The following FGF10 variants were observed in gnomAD, a reference collection of about 807,000 sequenced individuals.
The protein encoded by FGF10 is fibroblast growth factor 10, also known as FGF-10.
Under a neutral mutation model 19.8 loss-of-function variants are expected in FGF10, and 2 were observed. The observed-to-expected ratio is 0.10, with a 90% confidence interval of 0.04 to 0.32. The LOEUF (loss-of-function observed/expected upper bound fraction) is 0.32, where lower values mean the gene tolerates loss of function less well. Among genes scored for constraint, FGF10 ranks in the 10% least tolerant of loss-of-function variants. The probability of loss-of-function intolerance (pLI) is 1.00; values close to 1 mark genes in which losing one functional copy is unlikely to be tolerated. For missense variants in FGF10, 191 were observed against 246.3 expected (o/e 0.78, Z 1.50); for synonymous variants, 112 against 94.0 (o/e 1.19, Z -1.10).
At chr5:44,370,165 C>T (rs557064689) in intron 1 of FGF10, among the ~76,000 whole-genome samples, 2 of 152,204 alleles carry the variant, frequency 1.3e-5, no homozygotes, top group East Asian at 3.9e-4. Flanking sequence ...TTATTACTAC[C>T]TATTTCCAAT....
At chr5:44,342,708 T>G (rs1010558228) in intron 1 of FGF10, among the ~76,000 whole-genome samples, 1 of 151,932 alleles carries the variant, frequency 6.6e-6, no homozygotes, top group Non-Finnish European at 1.5e-5. Context: ...ATAAGTTGCT[T>G]GCTTTGAGAT....
intron 1 of FGF10, among the ~76,000 whole-genome samples, chr5:44,319,843 C>T (rs1368404880): frequency 6.6e-6 from 1 of 152,156 alleles, no homozygotes; most frequent in Non-Finnish European, 1.5e-5. Context: ...ACTCAGGGGC[C>T]TCCAACCACT....
intron 2 of FGF10, among the ~76,000 whole-genome samples, chr5:44,307,013 A>AATGGGG (rs1740092289): frequency 2.0e-5 from 3 of 152,138 alleles, no homozygotes. Flanking sequence ...TCAATCAATA[A>AATGGGG]ATGGGGTACA....
intron 1 of FGF10, among the ~76,000 whole-genome samples, chr5:44,377,344 A>C (rs1741889292): frequency 6.6e-6 from 1 of 152,202 alleles, no homozygotes; most frequent in African/African-American, 2.4e-5. Flanking sequence ...AAATGCTTTA[A>C]GGGTATGAGC....
intron 1 of FGF10, among the ~76,000 whole-genome samples, chr5:44,329,852 CTG>C (rs2111754348): frequency 6.6e-6 from 1 of 152,272 alleles, no homozygotes; most frequent in South Asian, 2.1e-4. Flanking sequence ...GGGCAAACAA[CTG>C]TGAATTTGCG....
intron 1 of FGF10, among the ~76,000 whole-genome samples, chr5:44,343,519 T>C (rs1311535272): frequency 6.6e-6 from 1 of 152,038 alleles, no homozygotes; most frequent in East Asian, 1.9e-4. Context: ...GAGATGCTTC[T>C]GAGGTGGCAC....
intron 1 of FGF10, among the ~76,000 whole-genome samples, chr5:44,349,136 C>G (rs1215569907): frequency 6.6e-6 from 1 of 150,872 alleles, no homozygotes; most frequent in East Asian, 2.0e-4. Context: ...TTCTAGGATA[C>G]TTTGGTTACA....
chr5:44,388,275 G>T, intron 1 of FGF10, 83 bp downstream of exon 1: 1 of 1,278,358 alleles, frequency 7.8e-7, no homozygotes, highest in Non-Finnish European at 1.1e-6. Context: ...TATTTAGCTG[G>T]CCACATCTGG....
intron 1 of FGF10, among the ~76,000 whole-genome samples, chr5:44,347,938 C>T (rs1024373815): frequency 4.6e-5 from 7 of 151,552 alleles, no homozygotes; most frequent in African/African-American, 1.5e-4. Context: ...TGGGAACATG[C>T]TATATTTTTA....
At chr5:44,384,634 GC>G (rs1742057181) in intron 1 of FGF10, among the ~76,000 whole-genome samples, 2 of 152,048 alleles carry the variant, frequency 1.3e-5, no homozygotes, top group African/African-American at 4.8e-5. Context: ...TCCTGGTTCT[GC>G]CCATGTCTAG....
At position 44,300,500 on chromosome 5, in the gene FGF10, C is replaced by A. The variant is rs901176664; in HGVS notation, c.*4495G>T. Among the ~76,000 whole-genome samples, 7 of 152,210 alleles carry A rather than the reference C, an allele frequency of 4.6e-5. No individual in the cohort carries two copies. The highest frequency in any genetic ancestry group is 1.7e-4 in the African/African-American group (7 of 41,564). ...GCCTAGCTATATCCAGGGCCCTACT[C>A]TTGGCTTAAAACAAAACAATGCAAA... On this transcript the variant is annotated 3_prime_UTR_variant, in exon 3 of 3. Transcript: ENST00000264664.
chr5:44,341,027 A>C (rs549200838), intron 1 of FGF10, among the ~76,000 whole-genome samples: 1 of 152,034 alleles, frequency 6.6e-6, no homozygotes, highest in East Asian at 1.9e-4. Context: ...TTAATATGAG[A>C]AAAATATATT....
At chr5:44,364,712 T>A (rs1464786199) in intron 1 of FGF10, among the ~76,000 whole-genome samples, 1 of 151,952 alleles carries the variant, frequency 6.6e-6, no homozygotes, top group Non-Finnish European at 1.5e-5. Flanking sequence ...TGCTACCTAA[T>A]TGATGGCGTT....
intron 1 of FGF10, among the ~76,000 whole-genome samples, chr5:44,363,300 A>T (rs1173195715): frequency 6.6e-6 from 1 of 151,832 alleles, no homozygotes; most frequent in Non-Finnish European, 1.5e-5. Flanking sequence ...AAACACAATC[A>T]TTTTTAATGG....
chr5:44,324,963 T>C (rs1740576793), intron 1 of FGF10, among the ~76,000 whole-genome samples: 1 of 152,238 alleles, frequency 6.6e-6, no homozygotes, highest in African/African-American at 2.4e-5. Context: ...ATAATTTCAA[T>C]GTAGATTATT....
At chr5:44,387,100 T>C in intron 1 of FGF10, among the ~76,000 whole-genome samples, 1 of 152,200 alleles carries the variant, frequency 6.6e-6, no homozygotes, top group East Asian at 1.9e-4. Context: ...CTAAAGATGT[T>C]TAAACATCAT....
intron 1 of FGF10, among the ~76,000 whole-genome samples, chr5:44,321,003 GA>G (rs113892775): frequency 0.016 from 2,235 of 138,346 alleles, 57 homozygotes; most frequent in African/African-American, 0.052. Flanking sequence ...TTTTTCAAAA[GA>G]AAAAAAAAAA....
chr5:44,310,146 C>T (rs908735594), intron 2 of FGF10, among the ~76,000 whole-genome samples: 17 of 152,006 alleles, frequency 1.1e-4, no homozygotes, highest in African/African-American at 2.7e-4. Context: ...CCAATCTGAC[C>T]GGATGCTTCC....
intron 1 of FGF10, among the ~76,000 whole-genome samples, chr5:44,362,168 T>A (rs1332084614): frequency 1.3e-5 from 2 of 151,698 alleles, no homozygotes; most frequent in African/African-American, 4.8e-5. Context: ...CTTGGACTAG[T>A]TACTCCTTAA....
Sources: gnomAD v4.1 joint callset for allele counts (sites outside exome capture counted in the v4.1 genomes callset) on GRCh38, gnomAD v4.1.1 for gene constraint, MANE v1.5 for transcripts, NCBI Gene and HGNC (gene_info 2026-07-23, HGNC 2026-07-21) for gene names.